Variants in INSC observed in about 807,000 individuals in gnomAD.
The protein encoded by INSC is INSC spindle orientation adaptor protein, also known as protein inscuteable homolog.
A neutral mutation model predicts 58.6 loss-of-function variants in INSC; 67 were observed. That is an observed-to-expected ratio of 1.14 (90% CI 0.94 to 1.40). The LOEUF (loss-of-function observed/expected upper bound fraction) is 1.40, where lower values mean the gene tolerates loss of function less well. Ranked by LOEUF, INSC falls within the 40% of genes most tolerant of loss-of-function variation. INSC has a pLI of 0.00. For missense variants in INSC, 714 were observed against 692.0 expected (o/e 1.03, Z -0.36); for synonymous variants, 262 against 276.1 (o/e 0.95, Z 0.51).
chr11:15,255,210 G>A, the INSC span, among the ~76,000 whole-genome samples: 1 of 151,868 alleles, frequency 6.6e-6, no homozygotes, highest in Non-Finnish European at 1.5e-5. Context: ...CACTATATAT[G>A]ATCTTAAAAT....
At chr11:15,159,792 G>T (rs1848951470) in intron 2 of INSC, among the ~76,000 whole-genome samples, 1 of 152,160 alleles carries the variant, frequency 6.6e-6, no homozygotes, top group African/African-American at 2.4e-5. Flanking sequence ...CAGGGTCATT[G>T]TGAGAATCAA....
chr11:15,170,343 T>C (rs2133809505), intron 2 of INSC, among the ~76,000 whole-genome samples: 1 of 152,148 alleles, frequency 6.6e-6, no homozygotes, highest in East Asian at 1.9e-4. Flanking sequence ...AGTCCTCATG[T>C]CTCCTTAGTC....
At chr11:15,229,380 T>C (rs4756803) in intron 9 of INSC, among the ~76,000 whole-genome samples, 39,465 of 152,050 alleles carry the variant, frequency 0.26, 6,167 homozygotes, top group East Asian at 0.75. Flanking sequence ...TCTCAAAATC[T>C]CTCTATAGTT....
At chr11:15,235,764 T>C (rs1852099615) in intron 10 of INSC, 96 bp downstream of exon 10, 6 of 1,048,118 alleles carry the variant, frequency 5.7e-6, no homozygotes, top group Middle Eastern at 2.0e-4. Context: ...GGTATGTAAA[T>C]AGGTACATGT....
chr11:15,229,958 A>ATATAT (rs1196715488), intron 9 of INSC, among the ~76,000 whole-genome samples: 1 of 32,222 alleles, frequency 3.1e-5, no homozygotes, highest in African/African-American at 1.3e-4. Context: ...TTATATATAT[A>ATATAT]TTTATATATA....
At chr11:15,219,374 C>G (rs1851350504) in intron 7 of INSC, among the ~76,000 whole-genome samples, 1 of 152,156 alleles carries the variant, frequency 6.6e-6, no homozygotes, top group Admixed American at 6.5e-5. Context: ...CCAGGAGGCC[C>G]CTCTGTAGAG....
the INSC span, among the ~76,000 whole-genome samples, chr11:15,263,225 G>T: frequency 6.6e-6 from 1 of 152,070 alleles, no homozygotes; most frequent in Non-Finnish European, 1.5e-5. Flanking sequence ...TGAACACAGC[G>T]TTAACAGGTT....
intron 7 of INSC, among the ~76,000 whole-genome samples, chr11:15,214,824 C>T (rs1269393586): frequency 6.6e-6 from 1 of 152,130 alleles, no homozygotes; most frequent in Admixed American, 6.5e-5. Flanking sequence ...GGTGTGGGCT[C>T]TTGATAAAAA....
the INSC span, among the ~76,000 whole-genome samples, chr11:15,263,861 G>T: frequency 1.1e-3 from 175 of 152,240 alleles, no homozygotes; most frequent in African/African-American, 3.7e-3. Context: ...CTGGCTGTCA[G>T]TGGGGGATAG....
At chr11:15,161,753 T>G (rs1041874633) in intron 2 of INSC, among the ~76,000 whole-genome samples, 1 of 152,204 alleles carries the variant, frequency 6.6e-6, no homozygotes, top group Non-Finnish European at 1.5e-5. Context: ...CCATGCACAG[T>G]AAGGCCTATG....
At chr11:15,143,386 G>A (rs1266197515) in intron 1 of INSC, among the ~76,000 whole-genome samples, 1 of 152,126 alleles carries the variant, frequency 6.6e-6, no homozygotes, top group Non-Finnish European at 1.5e-5. Context: ...CAGAGGAGAG[G>A]TTGTTGGGGT....
chr11:15,135,147 G>A (rs994976912), intron 1 of INSC, among the ~76,000 whole-genome samples: 3 of 152,098 alleles, frequency 2.0e-5, no homozygotes, highest in Admixed American at 6.6e-5. Flanking sequence ...ATGTGCTGGG[G>A]TGCCATGACC....
At chr11:15,202,894 T>A (rs1257358163) in intron 7 of INSC, among the ~76,000 whole-genome samples, 1 of 152,246 alleles carries the variant, frequency 6.6e-6, no homozygotes, top group Non-Finnish European at 1.5e-5. Context: ...CTTTAATGTG[T>A]CTTTCGCAGT....
Position 15,245,924 on chromosome 11 carries a change from A to T in INSC, c.1483A>T (p.Arg495Ter), listed in dbSNP as rs1487799487. The change falls in exon 13 of 13, where the codon AGA (arginine) becomes TGA (stop). Residue 495 changes from arginine (R) to a stop codon, truncating the protein, a stop_gained. Coordinates refer to ENST00000379556, the MANE Select transcript of INSC (RefSeq NM_001042536.3). LOFTEE classifies it high-confidence loss of function. ...GTCTTCTCCCCAGGCTGCTCTGCGTAGATTGGCTGGGGTCTGCCCTGAAGG... is the reference window on the plus strand; with the variant it reads ...GTCTTCTCCCCAGGCTGCTCTGCGTTGATTGGCTGGGGTCTGCCCTGAAGG... ...VLVACLAALR[R>*]LAGVCPEGLQ... 5 of 1,614,020 alleles carry T rather than the reference A, an allele frequency of 3.1e-6. No homozygotes were observed. The African/African-American group carries it at 6.7e-5, about 22-fold the overall frequency.
At position 15,200,858 on chromosome 11, in the gene INSC, G is replaced by A. The variant is rs530839234; in HGVS notation, c.728G>A (p.Arg243Gln). 3.3e-5 allele frequency: 54 copies of A among 1,613,964 alleles called. No homozygotes were observed. The highest frequency in any genetic ancestry group is 4.2e-5 in the Non-Finnish European group (49 of 1,179,998). Reference sequence around the variant, plus strand: ...GTCGTAGCACTCTTCAAGGTTTGCCGGCAGGACAGTTTCCGGTGCTTGTAC... The same window carrying A: ...GTCGTAGCACTCTTCAAGGTTTGCCAGCAGGACAGTTTCCGGTGCTTGTAC... ...GGVVALFKVC[R>Q]QDSFRCLYPQ... is the part of the protein sequence containing the mutation. Residue 243 changes from arginine to glutamine, a missense_variant, in exon 7 of 13, where the codon CGG becomes CAG. Transcript: ENST00000379556.
the INSC span, among the ~76,000 whole-genome samples, chr11:15,259,153 T>C: frequency 6.6e-6 from 1 of 152,158 alleles, no homozygotes; most frequent in Non-Finnish European, 1.5e-5. Flanking sequence ...AAGATGTAAA[T>C]TGAGATCCAG....
chr11:15,227,974 T>C (rs1362530799), intron 9 of INSC, among the ~76,000 whole-genome samples: 1 of 152,210 alleles, frequency 6.6e-6, no homozygotes, highest in African/African-American at 2.4e-5. Flanking sequence ...TTAATAATCA[T>C]GTCACTTTGG....
At chr11:15,151,621 G>A (rs1174419675) in intron 2 of INSC, among the ~76,000 whole-genome samples, 1 of 151,982 alleles carries the variant, frequency 6.6e-6, no homozygotes, top group Non-Finnish European at 1.5e-5. Context: ...CTTCTTGTTG[G>A]TTCTGGGCAT....
At chr11:15,263,044 A>G in the INSC span, among the ~76,000 whole-genome samples, 1 of 152,148 alleles carries the variant, frequency 6.6e-6, no homozygotes, top group African/African-American at 2.4e-5. Flanking sequence ...AGAAACAACG[A>G]AACTTCTAAA....
Sources: gnomAD v4.1 joint callset for allele counts (sites outside exome capture counted in the v4.1 genomes callset) on GRCh38, gnomAD v4.1.1 for gene constraint, MANE v1.5 for transcripts, NCBI Gene and HGNC (gene_info 2026-07-23, HGNC 2026-07-21) for gene names.